SHISA9: variants seen among roughly 807,000 people sequenced by gnomAD.
SHISA9 encodes the protein shisa family member 9, also known as protein shisa-9.
Under a neutral mutation model 38.0 loss-of-function variants are expected in SHISA9, and 13 were observed. The observed-to-expected ratio is 0.34, with a 90% confidence interval of 0.22 to 0.54. The LOEUF is 0.54. SHISA9 is among the 20% of genes least tolerant of loss of function. The probability of loss-of-function intolerance (pLI) is 0.91; values close to 1 mark genes in which losing one functional copy is unlikely to be tolerated. For synonymous variants in SHISA9, 275 were observed against 242.0 expected (o/e 1.14, Z -1.27); for missense variants, 538 against 575.8 (o/e 0.93, Z 0.67).
intron 2 of SHISA9, among the ~76,000 whole-genome samples, chr16:13,076,117 A>G (rs1352392411): frequency 7.0e-6 from 1 of 142,896 alleles, no homozygotes; most frequent in Non-Finnish European, 1.5e-5. Context: ...TGCAACCTCC[A>G]CCTCCCATGT....
chr16:13,463,048 A>G, the SHISA9 span, among the ~76,000 whole-genome samples: 1 of 152,086 alleles, frequency 6.6e-6, no homozygotes, highest in Non-Finnish European at 1.5e-5. Context: ...CCCAGCTACC[A>G]GGGAGGCTGA....
chr16:13,476,680 A>G, the SHISA9 span, among the ~76,000 whole-genome samples: 1 of 146,150 alleles, frequency 6.8e-6, no homozygotes, highest in Non-Finnish European at 1.5e-5. Flanking sequence ...CATCCCACTT[A>G]GCCCCTCTTG....
intron 2 of SHISA9, among the ~76,000 whole-genome samples, chr16:13,137,227 A>G (rs1309104240): frequency 6.6e-6 from 1 of 152,168 alleles, no homozygotes; most frequent in Admixed American, 6.5e-5. Context: ...GGAGGCAGAT[A>G]GTGGAATCCA....
chr16:13,049,762 C>T (rs1378550026), intron 2 of SHISA9, among the ~76,000 whole-genome samples: 2 of 152,110 alleles, frequency 1.3e-5, no homozygotes, highest in African/African-American at 2.4e-5. Context: ...GCCCTGACAT[C>T]ACCCTCCTGC....
At chr16:12,943,485 G>A (rs996451826) in intron 2 of SHISA9, among the ~76,000 whole-genome samples, 7 of 151,992 alleles carry the variant, frequency 4.6e-5, no homozygotes, top group African/African-American at 1.7e-4. Context: ...TGTTTTGAAT[G>A]TATGATTGTT....
chr16:13,246,019 C>G, the SHISA9 span, among the ~76,000 whole-genome samples: 1 of 152,176 alleles, frequency 6.6e-6, no homozygotes, highest in African/African-American at 2.4e-5. Context: ...AATTACAAAC[C>G]TCACTGTCCC....
At position 13,018,279 on chromosome 16, in the gene SHISA9, C is replaced by G. The variant is rs536473400; in HGVS notation, c.691+101464C>G. Among the ~76,000 whole-genome samples the G allele has an allele frequency of 2.6e-5, 4 of 152,310 alleles. No homozygotes were observed. The South Asian group carries it at 8.3e-4, about 32-fold the overall frequency. Reference sequence around the variant, plus strand: ...ATTCTTTGCCTCCAAAGGCCTGATCCCAAATCTAGCAAGAGGGATCTGGCC... The same window carrying G: ...ATTCTTTGCCTCCAAAGGCCTGATCGCAAATCTAGCAAGAGGGATCTGGCC... On this transcript the variant is annotated intron_variant, in intron 2 of 4. Transcript: ENST00000558583.
intron 2 of SHISA9, among the ~76,000 whole-genome samples, chr16:13,098,145 G>A (rs1045894720): frequency 1.3e-5 from 2 of 152,164 alleles, no homozygotes; most frequent in African/African-American, 4.8e-5. Context: ...TGACTCCAGA[G>A]TACCTGCTCT....
At chr16:13,088,598 T>C (rs1467178046) in intron 2 of SHISA9, among the ~76,000 whole-genome samples, 1 of 152,188 alleles carries the variant, frequency 6.6e-6, no homozygotes, top group African/African-American at 2.4e-5. Context: ...AGTTCACTCA[T>C]GATTTGGTTG....
chr16:13,029,296 T>C (rs1385783976), intron 2 of SHISA9, among the ~76,000 whole-genome samples: 4 of 152,230 alleles, frequency 2.6e-5, no homozygotes, highest in Non-Finnish European at 5.9e-5. Flanking sequence ...AATGGAGTAC[T>C]ATTCAGCCAT....
chr16:13,469,371 AAG>A, the SHISA9 span, among the ~76,000 whole-genome samples: 1,737 of 86,394 alleles, frequency 0.02, 11 homozygotes, highest in Non-Finnish European at 0.025. Flanking sequence ...AAGAAAAAGA[AAG>A]AAAGAAAGAA....
At chr16:13,222,894 G>A (rs1009189057) in intron 4 of SHISA9, among the ~76,000 whole-genome samples, 4 of 151,852 alleles carry the variant, frequency 2.6e-5, no homozygotes, top group Admixed American at 6.6e-5. Context: ...TTCTGATGAC[G>A]ACAGAAATAG....
At chr16:13,038,333 C>G (rs192217562) in intron 2 of SHISA9, among the ~76,000 whole-genome samples, 6 of 152,330 alleles carry the variant, frequency 3.9e-5, no homozygotes, top group Non-Finnish European at 7.3e-5. Flanking sequence ...CTCCATCTCT[C>G]TCCCTTTCCT....
the SHISA9 span, among the ~76,000 whole-genome samples, chr16:13,298,994 G>T: frequency 6.6e-6 from 1 of 152,150 alleles, no homozygotes; most frequent in Admixed American, 6.5e-5. Context: ...GGTTAAACAA[G>T]CAGTCTCCTT....
chr16:12,956,142 A>G (rs1174737520), intron 2 of SHISA9, among the ~76,000 whole-genome samples: 4 of 152,382 alleles, frequency 2.6e-5, no homozygotes, highest in African/African-American at 7.2e-5. Context: ...GCCAATAAGC[A>G]CTAATCATTA....
At chr16:13,474,266 A>G in the SHISA9 span, 1 of 151,530 alleles carries the variant, frequency 6.6e-6, no homozygotes, top group African/African-American at 2.4e-5. Flanking sequence ...AAACAAATCA[A>G]TTCTGCCTGG....
At chr16:13,390,011 C>T in the SHISA9 span, among the ~76,000 whole-genome samples, 4 of 152,186 alleles carry the variant, frequency 2.6e-5, no homozygotes, top group African/African-American at 9.7e-5. Flanking sequence ...CTTTGAAGAT[C>T]CCAACTGACA....
At chr16:13,378,325 G>GT in the SHISA9 span, among the ~76,000 whole-genome samples, 1 of 152,102 alleles carries the variant, frequency 6.6e-6, no homozygotes, top group Non-Finnish European at 1.5e-5. Flanking sequence ...CTGTGTGTTG[G>GT]TTTTATTCTT....
intron 2 of SHISA9, among the ~76,000 whole-genome samples, chr16:13,066,520 G>A (rs1027490603): frequency 1.2e-4 from 18 of 152,154 alleles, no homozygotes; most frequent in Non-Finnish European, 2.1e-4. Flanking sequence ...TGCCCAGTAC[G>A]TGCTAGGCAC....
Sources: allele counts gnomAD v4.1 joint callset (sites outside exome capture counted in the v4.1 genomes callset), GRCh38; gene constraint gnomAD v4.1.1; transcripts MANE v1.5; gene names NCBI Gene and HGNC (gene_info 2026-07-23, HGNC 2026-07-21).